KIAA1958: variants seen among roughly 807,000 people sequenced by gnomAD.
KIAA1958 encodes the protein uncharacterized protein KIAA1958.
KIAA1958 carries 14 observed loss-of-function variants against 47.2 expected under a neutral mutation model. The ratio of observed to expected loss-of-function variants is 0.30; its 90% confidence interval spans 0.20 to 0.46. The LOEUF is 0.46. Among genes scored for constraint, KIAA1958 ranks in the 20% least tolerant of loss-of-function variants. KIAA1958 has a pLI of 1.00. For missense variants in KIAA1958, 803 were observed against 909.2 expected, an observed-to-expected ratio of 0.88 and a Z score of 1.50; for synonymous variants, 354 against 353.3, an observed-to-expected ratio of 1.00 and a Z score of -0.02.
At chr9:112,571,927 C>T (rs1410230756) in intron 1 of KIAA1958, among the ~76,000 whole-genome samples, 1 of 145,208 alleles carries the variant, frequency 6.9e-6, no homozygotes, top group East Asian at 2.0e-4. Context: ...TCTACTTTAA[C>T]CAAAGTTACA....
At chr9:112,565,991 C>A (rs1835421567) in intron 1 of KIAA1958, among the ~76,000 whole-genome samples, 1 of 152,308 alleles carries the variant, frequency 6.6e-6, no homozygotes, top group African/African-American at 2.4e-5. Flanking sequence ...GCAAGCTCCG[C>A]CTCCCAGGTT....
intron 2 of KIAA1958, among the ~76,000 whole-genome samples, chr9:112,643,914 A>T (rs1836934126): frequency 6.6e-6 from 1 of 152,198 alleles, no homozygotes; most frequent in South Asian, 2.1e-4. Context: ...GCGGTGGCTC[A>T]CACCTGTAAT....
At chr9:112,532,737 A>G (rs767683525) in intron 1 of KIAA1958, among the ~76,000 whole-genome samples, 2 of 152,210 alleles carry the variant, frequency 1.3e-5, no homozygotes, top group Admixed American at 6.5e-5. Context: ...TGTGTGTGGT[A>G]TAAGCTAGTG....
At chr9:112,527,057 C>T (rs927651090) in intron 1 of KIAA1958, among the ~76,000 whole-genome samples, 8 of 152,300 alleles carry the variant, frequency 5.3e-5, no homozygotes, top group Middle Eastern at 6.8e-3. Flanking sequence ...CACTAAGACA[C>T]ATTTGTACTT....
intron 1 of KIAA1958, among the ~76,000 whole-genome samples, chr9:112,509,066 G>A (rs544413543): frequency 6.7e-6 from 1 of 148,884 alleles, no homozygotes; most frequent in Non-Finnish European, 1.5e-5. Context: ...TTTAAAAAGA[G>A]CAATGTAGAT....
At position 112,664,458 on chromosome 9, in the gene KIAA1958, A is replaced by G. The variant is rs1457658280; in HGVS notation, c.*4389A>G. 1 of 152,252 alleles carries G rather than the reference A, an allele frequency of 6.6e-6. No homozygotes were observed. Among genetic ancestry groups the G allele is most frequent in the Non-Finnish European group, 1.5e-5 (1 of 68,050 alleles). The allele number at this position is 152,252 out of a possible 1,614,324, so 9.4% of individuals were successfully genotyped here. A position where few individuals can be genotyped will look rare whatever the true frequency, so the allele number is the denominator to read the frequency against. On this transcript the variant is annotated 3_prime_UTR_variant, in exon 4 of 4. Coordinates refer to ENST00000337530, the MANE Select transcript of KIAA1958 (RefSeq NM_133465.4). ...TACCTTTAAGCATCAATGAATGCAA[A>G]CAGTGAAGACCTCAAAGAAGAGTTA...
chr9:112,651,647 C>T (rs1304626642), intron 3 of KIAA1958, among the ~76,000 whole-genome samples: 1 of 152,106 alleles, frequency 6.6e-6, no homozygotes, highest in African/African-American at 2.4e-5. Flanking sequence ...CCTCCTGCCT[C>T]GGCTTCCCAA....
At chr9:112,607,316 C>T (rs376130628) in intron 2 of KIAA1958, among the ~76,000 whole-genome samples, 15 of 151,094 alleles carry the variant, frequency 9.9e-5, no homozygotes, top group African/African-American at 3.7e-4. Flanking sequence ...CTGAGCGACA[C>T]AGCAAAACTC....
chr9:112,618,421 A>C lies in KIAA1958; in HGVS notation c.1172-27229A>C. 9 of 1,551,194 alleles carry C rather than the reference A, an allele frequency of 5.8e-6. No individual in the cohort carries two copies. The highest frequency in any genetic ancestry group is 7.8e-6 in the Non-Finnish European group (9 of 1,147,120). ...AATGGGGTGATATCCGGCTCCGGGTAACAGAGACGGGTCTCGAGTACTTGG... is the reference window on the plus strand; with the variant it reads ...AATGGGGTGATATCCGGCTCCGGGTCACAGAGACGGGTCTCGAGTACTTGG... On this transcript the variant is annotated intron_variant, in intron 2 of 3. Coordinates refer to ENST00000337530, the MANE Select transcript of KIAA1958 (RefSeq NM_133465.4). This position sits in a 1 kb window ranked among gnomAD's most constrained non-coding sequence, Gnocchi z 7.1.
At chr9:112,490,360 C>G (rs1273948243) in intron 1 of KIAA1958, among the ~76,000 whole-genome samples, 1 of 151,934 alleles carries the variant, frequency 6.6e-6, no homozygotes, top group South Asian at 2.1e-4. Flanking sequence ...TTCTTTTTTT[C>G]CTTTAAAAAA....
chr9:112,581,519 T>C (rs1835734831), intron 2 of KIAA1958, among the ~76,000 whole-genome samples: 2 of 152,142 alleles, frequency 1.3e-5, no homozygotes, highest in Admixed American at 1.3e-4. Flanking sequence ...CCAAAAATGC[T>C]GTGTCTGCCC....
In KIAA1958 at chr9:112,659,019, CAAAAAAAAAAA is replaced by C. The variant is rs560013892; in HGVS notation, c.1345-229_1345-219del. ...TGGGCGACAGAGCAAGACTCTGACT[CAAAAAAAAAAA>C]AAAAAAAAAAAAAAGAAAGAAAAGA... On this transcript the variant is annotated intron_variant, in intron 3 of 3. Transcript: ENST00000337530. Among the ~76,000 whole-genome samples the C allele has an allele frequency of 6.4e-4, 37 of 57,758 alleles. 2 individuals carry two copies. The East Asian group carries it at 0.01, about 16-fold the overall frequency. The allele number at this position is 57,758 out of a possible 152,430, so 37.9% of individuals were successfully genotyped here.
At chr9:112,609,974 T>C (rs971528799) in intron 2 of KIAA1958, among the ~76,000 whole-genome samples, 1 of 152,174 alleles carries the variant, frequency 6.6e-6, no homozygotes, top group African/African-American at 2.4e-5. Context: ...GGAACACTGG[T>C]GAAAAATCTC....
At chr9:112,513,031 G>C (rs1286191627) in intron 1 of KIAA1958, among the ~76,000 whole-genome samples, 3 of 120,276 alleles carry the variant, frequency 2.5e-5, no homozygotes, top group Admixed American at 9.0e-5. Flanking sequence ...TTGAGATGGA[G>C]TCTTGCTCTG....
intron 1 of KIAA1958, among the ~76,000 whole-genome samples, chr9:112,522,261 G>A (rs1012609916): frequency 1.2e-4 from 18 of 152,272 alleles, no homozygotes; most frequent in African/African-American, 4.1e-4. Flanking sequence ...GTGAGCCACC[G>A]TGCCCAGCCA....
chr9:112,487,652 A>T (rs964944447), intron 1 of KIAA1958, among the ~76,000 whole-genome samples: 2 of 152,086 alleles, frequency 1.3e-5, no homozygotes, highest in African/African-American at 4.8e-5. Context: ...AGGAACGTGC[A>T]TGGCTTCGCT....
intron 1 of KIAA1958, among the ~76,000 whole-genome samples, chr9:112,497,265 A>G (rs1017403607): frequency 2.0e-5 from 3 of 152,214 alleles, no homozygotes; most frequent in African/African-American, 7.2e-5. Flanking sequence ...TGTATTTAGA[A>G]GCTAGGGCAT....
At chr9:112,572,156 T>G (rs990082093) in intron 1 of KIAA1958, among the ~76,000 whole-genome samples, 1 of 152,030 alleles carries the variant, frequency 6.6e-6, no homozygotes, top group Non-Finnish European at 1.5e-5. Context: ...GTCACTCTTC[T>G]GCGTATACAG....
At chr9:112,552,473 C>T (rs1588014812) in intron 1 of KIAA1958, among the ~76,000 whole-genome samples, 1 of 152,318 alleles carries the variant, frequency 6.6e-6, no homozygotes, top group Admixed American at 6.5e-5. Flanking sequence ...CCTGTGGGAA[C>T]CAGGCCTGTG....
Sources: gnomAD v4.1 joint callset for allele counts (sites outside exome capture counted in the v4.1 genomes callset) on GRCh38, gnomAD v4.1.1 for gene constraint, Gnocchi (gnomAD v3.1) non-coding constraint, MANE v1.5 for transcripts, NCBI Gene and HGNC (gene_info 2026-07-23, HGNC 2026-07-21) for gene names.